Variants in ARHGAP29 observed in about 807,000 individuals in gnomAD.
ARHGAP29 encodes Rho GTPase activating protein 29.
Under a neutral mutation model 122.6 loss-of-function variants are expected in ARHGAP29, and 43 were observed. The observed-to-expected ratio is 0.35, with a 90% CI of 0.27 to 0.45. The LOEUF (loss-of-function observed/expected upper bound fraction) is 0.45. Among genes scored for constraint, ARHGAP29 ranks in the 20% least tolerant of loss-of-function variants. The pLI, the probability that ARHGAP29 is intolerant of heterozygous loss-of-function variation, is 1.00. For missense variants in ARHGAP29, 1,303 were observed against 1,477.2 expected (o/e 0.88, Z 1.93); for synonymous variants, 506 against 497.1 (o/e 1.02, Z -0.24).
the ARHGAP29 span, among the ~76,000 whole-genome samples, chr1:94,290,019 G>A: frequency 1.3e-5 from 2 of 152,192 alleles, no homozygotes; most frequent in African/African-American, 2.4e-5. Context: ...ATGAGTTAGG[G>A]AGGATTCCCT....
Position 94,202,527 on chromosome 1 carries a change from AAG to A in ARHGAP29, c.1143+15_1143+16del, listed in dbSNP as rs748582395. ...CCGCTAATTCAACTTGCAAATAAAAAAGAAAAAGATCGTTACTTTTTGGAGAG... is the reference window on the plus strand; with the variant it reads ...CCGCTAATTCAACTTGCAAATAAAAAAAAAAGATCGTTACTTTTTGGAGAG... On this transcript the variant is annotated intron_variant, in intron 11 of 22. Coordinates refer to ENST00000260526, the MANE Select transcript of ARHGAP29 (RefSeq NM_004815.4). 3.7e-6 allele frequency: 6 copies of A among 1,611,762 alleles called. No homozygotes were observed. The South Asian group carries it at 5.5e-5, about 15-fold the overall frequency.
Position 94,189,964 on chromosome 1 carries a change from G to A in ARHGAP29, c.1401C>T (p.Val467=). Residue 467 remains valine, a synonymous_variant, in exon 13 of 23, where the codon GTC becomes GTT. Transcript: ENST00000260526. ...CTTCTTCAGTTGAATTTGTGGCCTT[G>A]ACAAATTCACTGTACTCTTGGCCTG... is the stretch of plus-strand genomic sequence containing the variant. The part of the protein sequence containing the change: ...YDPGQEYSEF[V]KATNSTEEEK... 1 of 1,613,304 alleles carries A rather than the reference G, an allele frequency of 6.2e-7. No homozygotes were observed. The highest frequency in any genetic ancestry group is 8.5e-7 in the Non-Finnish European group (1 of 1,179,534).
At position 94,231,521 on chromosome 1, in the gene ARHGAP29, G is replaced by C; in HGVS notation, c.91C>G (p.Leu31Val). The change falls in exon 2 of 23, where the codon CTC (leucine) becomes GTC (valine). Residue 31 changes from leucine (L) to valine (V), a missense_variant. By Grantham distance (32) the Leu-to-Val change is conservative. Around this residue, in one of 3 missense-constraint regions of ARHGAP29, gnomAD observed 592 missense variants for 648.2 expected, o/e 0.91. Transcript: ENST00000260526. The stretch of plus-strand genomic sequence containing the variant: ...ATAGAGTTGGAACTTAAGGACTTGA[G>C]CCCCATTTCAGAAGTTGTAATATCA... The part of the protein sequence containing the change: ...STDITTSEMG[L>V]KSLSSNSIFD... 6.2e-7 allele frequency: 1 copy of C among 1,613,802 alleles called. No individual in the cohort carries two copies. Among genetic ancestry groups the C allele is most frequent in the Non-Finnish European group, 8.5e-7 (1 of 1,179,770 alleles).
chr1:94,244,461 G>T (rs974688154), intron 1 of ARHGAP29, among the ~76,000 whole-genome samples: 2 of 150,328 alleles, frequency 1.3e-5, no homozygotes, highest in African/African-American at 4.9e-5. Context: ...CGTAGGAATA[G>T]AAGATAATTT....
the ARHGAP29 span, among the ~76,000 whole-genome samples, chr1:94,287,497 CTAT>C: frequency 3.4e-4 from 51 of 150,500 alleles, no homozygotes; most frequent in South Asian, 1.5e-3. Flanking sequence ...ACCTCTTTTA[CTAT>C]TATTATTATT....
rs1343420071 is a variant in ARHGAP29, at chr1:94,172,656, A to C, written c.*1213T>G. The C allele has an allele frequency of 1.3e-5, 2 of 151,676 alleles. No homozygotes were observed. Among genetic ancestry groups the C allele is most frequent in the African/African-American group, 4.8e-5 (2 of 41,338 alleles). The allele number at this position is 151,676 out of a possible 1,614,324, so 9.4% of individuals were successfully genotyped here. A position where few individuals can be genotyped will look rare whatever the true frequency, so the allele number is the denominator to read the frequency against. On this transcript the variant is annotated 3_prime_UTR_variant, in exon 23 of 23. Transcript: ENST00000260526. Reference sequence around the variant, plus strand: ...ATTATCAAGTATAACACAGTCATACAAAAACATTTAGTAGAAATATAATTC... The same window carrying C: ...ATTATCAAGTATAACACAGTCATACCAAAACATTTAGTAGAAATATAATTC...
rs531253349 is a variant in ARHGAP29 at position 94,169,134 on chromosome 1, T to C, written c.*4735A>G. On this transcript the variant is annotated 3_prime_UTR_variant, in exon 23 of 23. Coordinates refer to ENST00000260526, the MANE Select transcript of ARHGAP29 (RefSeq NM_004815.4). ...TTTAAACATTCCTGGTAAATATGTA[T>C]AATCGTACACTTTTAAACTTTCTCT... is the stretch of plus-strand genomic sequence containing the variant. 5.9e-5 allele frequency among the ~76,000 whole-genome samples: 9 copies of C among 152,364 alleles called. No homozygotes were observed. Among genetic ancestry groups the C allele is most frequent in the Non-Finnish European group, 1.2e-4 (8 of 68,034 alleles).
intron 1 of ARHGAP29, among the ~76,000 whole-genome samples, chr1:94,271,229 A>G (rs1654980906): frequency 6.6e-6 from 1 of 152,228 alleles, no homozygotes; most frequent in African/African-American, 2.4e-5. Context: ...AGAGCTTGCT[A>G]TATGGCAGCT....
At chr1:94,255,969 A>G (rs144515318) in intron 1 of ARHGAP29, among the ~76,000 whole-genome samples, 169 of 152,320 alleles carry the variant, frequency 1.1e-3, no homozygotes, top group African/African-American at 3.8e-3. Context: ...TTTTGGTTCT[A>G]TAACATTTCA....
chr1:94,287,808 A>G, the ARHGAP29 span, among the ~76,000 whole-genome samples: 1 of 151,808 alleles, frequency 6.6e-6, no homozygotes, highest in Non-Finnish European at 1.5e-5. Context: ...AGCTTCATCC[A>G]TGTCCCTGCA....
chr1:94,311,424 C>G, the ARHGAP29 span, among the ~76,000 whole-genome samples: 275 of 152,224 alleles, frequency 1.8e-3, no homozygotes, highest in African/African-American at 6.3e-3. Context: ...CTGGAGAGAA[C>G]GTGCCCTCGA....
At chr1:94,256,215 C>A (rs2100704750) in intron 1 of ARHGAP29, among the ~76,000 whole-genome samples, 1 of 152,164 alleles carries the variant, frequency 6.6e-6, no homozygotes, top group East Asian at 1.9e-4. Context: ...GTAGTTAGTT[C>A]TATTCCTCTC....
rs1487401928 is a variant in ARHGAP29 at position 94,203,974 on chromosome 1, T to C, written c.718A>G (p.Met240Val). 1 of 1,613,744 alleles carries C rather than the reference T, an allele frequency of 6.2e-7. No homozygotes were observed. Among genetic ancestry groups the C allele is most frequent in the East Asian group, 2.2e-5 (1 of 44,846 alleles). ...CTAGTTGCCTCTGCCAACTTGACCATATTTCTAGTGGACTCCAATTCTGAA... is the reference window on the plus strand; with the variant it reads ...CTAGTTGCCTCTGCCAACTTGACCACATTTCTAGTGGACTCCAATTCTGAA... ...LNLELESTRNMVKLAEATRTN... is the reference protein window; with the variant it reads ...LNLELESTRNVVKLAEATRTN... The change falls in exon 8 of 23, where the codon ATG becomes GTG. Residue 240 changes from methionine to valine, a missense_variant. Met to Val is a conservative substitution (Grantham distance 21). Coordinates refer to ENST00000260526, the MANE Select transcript of ARHGAP29 (RefSeq NM_004815.4).
the ARHGAP29 span, among the ~76,000 whole-genome samples, chr1:94,295,903 TA>T: frequency 1.3e-5 from 2 of 152,086 alleles, no homozygotes; most frequent in Non-Finnish European, 2.9e-5. Context: ...ACAATTACCT[TA>T]GATTTGAAAG....
intron 12 of ARHGAP29, among the ~76,000 whole-genome samples, chr1:94,199,564 T>C (rs1391951733): frequency 2.0e-5 from 3 of 152,202 alleles, no homozygotes; most frequent in East Asian, 3.9e-4. Flanking sequence ...CTCAAGTCTA[T>C]AGATCCAGCC....
rs571058761 is a variant in ARHGAP29 at position 94,191,320 on chromosome 1, G to A, written c.1282-1237C>T. ...GCAATCTGAATAAGTGCTAAATTTC[G>A]ATTAGCTTAATGTTATTTCAAAGAC... On this transcript the variant is annotated intron_variant, in intron 12 of 22. Transcript: ENST00000260526. The A allele has an allele frequency of 2.0e-5, 3 of 152,182 alleles. 1 individual carries two copies. In the East Asian group the frequency reaches 5.8e-4, roughly 29 times the overall value. 9.4% of individuals were successfully genotyped at this position (152,182 alleles called of 1,614,324 possible).
intron 1 of ARHGAP29, among the ~76,000 whole-genome samples, chr1:94,265,698 C>A (rs1446264652): frequency 6.6e-6 from 1 of 152,172 alleles, no homozygotes; most frequent in East Asian, 1.9e-4. Context: ...GGGGGTCTCC[C>A]ACCTTTCTAC....
At chr1:94,293,277 C>T in the ARHGAP29 span, among the ~76,000 whole-genome samples, 8 of 152,192 alleles carry the variant, frequency 5.3e-5, no homozygotes, top group South Asian at 2.1e-4. Context: ...GGCATGGGAC[C>T]CACTGAGCCA....
At chr1:94,204,048 G>A (rs949362867) in intron 7 of ARHGAP29, 54 bp from the exon 8 acceptor site, 19 of 1,416,160 alleles carry the variant, frequency 1.3e-5, no homozygotes, top group Non-Finnish European at 1.9e-5. Context: ...TTTTCCCCCT[G>A]TATACTCTAA....
Sources: gnomAD v4.1 joint callset for allele counts (sites outside exome capture counted in the v4.1 genomes callset) on GRCh38, gnomAD v4.1.1 for gene constraint, gnomAD v4.1.1 regional missense constraint, MANE v1.5 for transcripts, NCBI Gene and HGNC (gene_info 2026-07-23, HGNC 2026-07-21) for gene names.